SLC39A11: variants seen among roughly 807,000 people sequenced by gnomAD.
SLC39A11 encodes solute carrier family 39 member 11.
Under a neutral mutation model 36.1 loss-of-function variants are expected in SLC39A11, and 33 were observed. The observed-to-expected ratio is 0.91, with a 90% CI of 0.69 to 1.22. The LOEUF (loss-of-function observed/expected upper bound fraction) is 1.22. SLC39A11 is among the 50% of genes most tolerant of loss of function. The probability of loss-of-function intolerance (pLI) is 0.00; values close to 1 mark genes in which losing one functional copy is unlikely to be tolerated. For missense variants in SLC39A11, 432 were observed against 430.3 expected, an observed-to-expected ratio of 1.00 and a Z score of -0.03; for synonymous variants, 166 against 170.3, an observed-to-expected ratio of 0.97 and a Z score of 0.20.
chr17:72,822,247 T>C (rs2077814158), intron 6 of SLC39A11, among the ~76,000 whole-genome samples: 2 of 147,040 alleles, frequency 1.4e-5, no homozygotes, highest in Non-Finnish European at 3.0e-5. Flanking sequence ...ACACACATAC[T>C]ATATATATAT....
chr17:73,091,447 A>T (rs1599262063), intron 1 of SLC39A11, among the ~76,000 whole-genome samples: 1 of 152,118 alleles, frequency 6.6e-6, no homozygotes, highest in Non-Finnish European at 1.5e-5. Context: ...CTGTCTCAAA[A>T]AAAAATAAAA....
chr17:72,961,058 A>T (rs531225488), intron 4 of SLC39A11, among the ~76,000 whole-genome samples: 1 of 152,306 alleles, frequency 6.6e-6, no homozygotes, highest in South Asian at 2.1e-4. Flanking sequence ...AAGAGCCAGC[A>T]TGAAAGAGCG....
chr17:72,729,903 A>C (rs2074144840), intron 7 of SLC39A11, among the ~76,000 whole-genome samples: 1 of 152,094 alleles, frequency 6.6e-6, no homozygotes, highest in South Asian at 2.1e-4. Flanking sequence ...CTATGGGCTT[A>C]ACTGTCGATT....
intron 5 of SLC39A11, among the ~76,000 whole-genome samples, chr17:72,916,755 A>G (rs2083356839): frequency 6.6e-6 from 1 of 152,074 alleles, no homozygotes; most frequent in Non-Finnish European, 1.5e-5. Flanking sequence ...CCTCTTTACC[A>G]GGCAAGGACT....
Position 72,869,622 on chromosome 17 carries a change from C to T in SLC39A11, c.431-19818G>A, listed in dbSNP as rs561904789. Among the ~76,000 whole-genome samples the T allele has an allele frequency of 5.3e-5, 8 of 152,296 alleles. No homozygotes were observed. The East Asian group carries it at 1.2e-3, about 22-fold the overall frequency. ...TTCAAACTCCTGACCTCAGGTGATC[C>T]ACCCACCTCGGCCTCCTCGGCCTCC... On this transcript the variant is annotated intron_variant, in intron 5 of 9. Transcript: ENST00000255559.
chr17:72,710,834 A>T (rs77681773), intron 7 of SLC39A11, among the ~76,000 whole-genome samples: 1 of 152,176 alleles, frequency 6.6e-6, no homozygotes, highest in South Asian at 2.1e-4. Context: ...TTCTGCCCAG[A>T]TGTTGCTGTC....
chr17:73,047,944 G>T (rs1449177668), intron 3 of SLC39A11, among the ~76,000 whole-genome samples: 4 of 111,732 alleles, frequency 3.6e-5, no homozygotes, highest in Non-Finnish European at 6.7e-5. Flanking sequence ...CTCCAATCTG[G>T]CGACAGAGCA....
intron 5 of SLC39A11, among the ~76,000 whole-genome samples, chr17:72,916,378 T>C (rs17780820): frequency 0.15 from 22,041 of 149,444 alleles, 1,961 homozygotes; most frequent in Non-Finnish European, 0.21. Flanking sequence ...CTTACACGGT[T>C]CCTCCAATGA....
intron 7 of SLC39A11, among the ~76,000 whole-genome samples, chr17:72,702,211 T>C (rs1299458727): frequency 3.9e-5 from 6 of 152,236 alleles, no homozygotes; most frequent in African/African-American, 2.4e-5. Context: ...GCTAACCCTA[T>C]CTTCCTGTGT....
intron 4 of SLC39A11, among the ~76,000 whole-genome samples, chr17:72,983,778 C>G (rs2088506017): frequency 6.6e-6 from 1 of 152,166 alleles, no homozygotes; most frequent in African/African-American, 2.4e-5. Flanking sequence ...CACCCAGACT[C>G]CATAAAGATG....
intron 6 of SLC39A11, among the ~76,000 whole-genome samples, chr17:72,756,393 G>C (rs914105698): frequency 6.6e-6 from 1 of 152,216 alleles, no homozygotes; most frequent in Non-Finnish European, 1.5e-5. Context: ...AGTGTTTATG[G>C]ATGGATCAAC....
intron 6 of SLC39A11, among the ~76,000 whole-genome samples, chr17:72,755,562 G>A (rs2075340426): frequency 6.6e-6 from 1 of 152,236 alleles, no homozygotes; most frequent in South Asian, 2.1e-4. Flanking sequence ...ATAAATCACT[G>A]CAAAACACTT....
chr17:72,649,324 T>G, intron 7 of SLC39A11, 56 bp from the exon 8 acceptor site: 1 of 1,521,714 alleles, frequency 6.6e-7, no homozygotes, highest in Non-Finnish European at 9.0e-7. Flanking sequence ...GCTCACACAA[T>G]GGGAGTCCCT....
At chr17:72,706,429 TGGAGC>T (rs1188872155) in intron 7 of SLC39A11, among the ~76,000 whole-genome samples, 1 of 152,150 alleles carries the variant, frequency 6.6e-6, no homozygotes, top group Non-Finnish European at 1.5e-5. Flanking sequence ...AAACTCCCAG[TGGAGC>T]ACAGGGGCGT....
intron 3 of SLC39A11, among the ~76,000 whole-genome samples, chr17:73,081,654 C>CAT (rs2060518261): frequency 1.6e-5 from 1 of 64,152 alleles, no homozygotes; most frequent in South Asian, 6.4e-4. Context: ...CACACACACA[C>CAT]ACACACACAC....
In SLC39A11 at chr17:72,964,334, GTT is replaced by G. The variant is rs533166851; in HGVS notation, c.307-16461_307-16460del. Among the ~76,000 whole-genome samples the G allele has an allele frequency of 1.4e-3, 209 of 152,364 alleles. 1 individual carries two copies. The highest frequency in any genetic ancestry group is 4.8e-3 in the African/African-American group (199 of 41,582). On this transcript the variant is annotated intron_variant, in intron 4 of 9. Coordinates refer to ENST00000255559, the MANE Select transcript of SLC39A11 (RefSeq NM_139177.4). ...ATGTGGTCCCTGGATGAGCTGCGTAGTTTTGTTTGGATCCATGGTTACCTTGG... is the reference window on the plus strand; with the variant it reads ...ATGTGGTCCCTGGATGAGCTGCGTAGTTGTTTGGATCCATGGTTACCTTGG...
chr17:72,972,276 T>C (rs2087512348), intron 4 of SLC39A11, among the ~76,000 whole-genome samples: 1 of 151,956 alleles, frequency 6.6e-6, no homozygotes, highest in African/African-American at 2.4e-5. Flanking sequence ...AGGATGCAAA[T>C]CAGTGGGTGG....
At chr17:72,686,632 A>G (rs947357139) in intron 7 of SLC39A11, among the ~76,000 whole-genome samples, 4 of 152,074 alleles carry the variant, frequency 2.6e-5, no homozygotes, top group South Asian at 4.1e-4. Context: ...CTCTTCCCCA[A>G]CCTGCTGCTG....
intron 5 of SLC39A11, among the ~76,000 whole-genome samples, chr17:72,932,345 C>A (rs1598464265): frequency 7.4e-6 from 1 of 135,380 alleles, no homozygotes. Flanking sequence ...GCAGAACATG[C>A]AGTTTTGTTA....
Sources: gnomAD v4.1 joint callset for allele counts (sites outside exome capture counted in the v4.1 genomes callset) on GRCh38, gnomAD v4.1.1 for gene constraint, MANE v1.5 for transcripts, NCBI Gene and HGNC (gene_info 2026-07-23, HGNC 2026-07-21) for gene names.